The following NKAIN3 variants were observed in gnomAD, a reference collection of about 807,000 sequenced individuals.
NKAIN3 encodes the protein sodium/potassium transporting ATPase interacting 3, also known as sodium/potassium-transporting ATPase subunit beta-1-interacting protein 3.
Under a neutral mutation model 30.2 loss-of-function variants are expected in NKAIN3, and 25 were observed. That is an observed-to-expected ratio of 0.83 (90% CI 0.60 to 1.16). NKAIN3 has a LOEUF of 1.16. Among genes scored for constraint, NKAIN3 ranks in the 50% most tolerant of loss-of-function variants. The pLI, the probability that NKAIN3 is intolerant of heterozygous loss-of-function variation, is 0.00. For missense variants in NKAIN3, 225 were observed against 254.1 expected, an observed-to-expected ratio of 0.89 and a Z score of 0.78; for synonymous variants, 91 against 89.6, an observed-to-expected ratio of 1.02 and a Z score of -0.09.
intron 1 of NKAIN3, among the ~76,000 whole-genome samples, chr8:62,450,414 T>A (rs527773015): frequency 6.6e-6 from 1 of 152,082 alleles, no homozygotes; most frequent in Non-Finnish European, 1.5e-5. Flanking sequence ...CTGCTAAAAA[T>A]TCAACAGGTG....
intron 3 of NKAIN3, among the ~76,000 whole-genome samples, chr8:62,604,281 G>T (rs185820295): frequency 2.4e-4 from 37 of 152,272 alleles, no homozygotes; most frequent in African/African-American, 8.7e-4. Context: ...ACAAGAATGA[G>T]CTAGAATCGC....
At chr8:62,494,766 ACTT>A (rs1807181734) in intron 1 of NKAIN3, among the ~76,000 whole-genome samples, 1 of 152,024 alleles carries the variant, frequency 6.6e-6, no homozygotes, top group Non-Finnish European at 1.5e-5. Flanking sequence ...GAATTTATCC[ACTT>A]CTTCTTGGTT....
chr8:62,565,567 A>G (rs1365044198), intron 1 of NKAIN3, among the ~76,000 whole-genome samples: 1 of 152,142 alleles, frequency 6.6e-6, no homozygotes, highest in African/African-American at 2.4e-5. Flanking sequence ...TTTGAAACAA[A>G]ATGGTCTGGC....
At chr8:62,735,284 C>T (rs1221426786) in intron 3 of NKAIN3, among the ~76,000 whole-genome samples, 1 of 151,972 alleles carries the variant, frequency 6.6e-6, no homozygotes, top group African/African-American at 2.4e-5. Context: ...TTCTTGGATG[C>T]TTTGTTCCTT....
At chr8:62,583,686 C>G (rs930938876) in intron 2 of NKAIN3, among the ~76,000 whole-genome samples, 1 of 152,168 alleles carries the variant, frequency 6.6e-6, no homozygotes, top group African/African-American at 2.4e-5. Context: ...AGAGCATGAT[C>G]TGTGCTTTGC....
chr8:62,601,072 C>G (rs1810971257), intron 3 of NKAIN3, among the ~76,000 whole-genome samples: 1 of 152,026 alleles, frequency 6.6e-6, no homozygotes, highest in African/African-American at 2.4e-5. Flanking sequence ...ACAGAACTCT[C>G]AGTTTCCCTC....
intron 1 of NKAIN3, among the ~76,000 whole-genome samples, chr8:62,299,730 T>C (rs1465917341): frequency 1.3e-5 from 2 of 152,122 alleles, no homozygotes; most frequent in African/African-American, 4.8e-5. Context: ...GCAATGTTCA[T>C]ATATAGTCTA....
At chr8:62,867,342 T>A (rs927359968) in intron 4 of NKAIN3, among the ~76,000 whole-genome samples, 3 of 152,186 alleles carry the variant, frequency 2.0e-5, no homozygotes, top group Admixed American at 2.0e-4. Context: ...CATAAGACTG[T>A]TTTAAGGATT....
intron 4 of NKAIN3, among the ~76,000 whole-genome samples, chr8:62,803,810 T>A (rs1212213248): frequency 6.6e-6 from 1 of 152,098 alleles, no homozygotes; most frequent in Non-Finnish European, 1.5e-5. Context: ...CTTTAAAAAA[T>A]TAATGAATCC....
At chr8:62,985,110 C>A (rs1389909926), downstream of NKAIN3, among the ~76,000 whole-genome samples, 1 of 152,142 alleles carries the variant, frequency 6.6e-6, no homozygotes, top group Admixed American at 6.5e-5. Context: ...CCCTGGAGAG[C>A]GTTTAAATGT....
chr8:62,283,235 T>C (rs138628773), intron 1 of NKAIN3, among the ~76,000 whole-genome samples: 4 of 152,268 alleles, frequency 2.6e-5, no homozygotes, highest in Non-Finnish European at 5.9e-5. Flanking sequence ...AAAATGTCCT[T>C]AAGTTATCTT....
At position 62,972,051 on chromosome 8, in the gene NKAIN3, T is replaced by C. The variant is rs1823847255; in HGVS notation, c.*6644T>C. Among the ~76,000 whole-genome samples, 1 of 152,214 alleles carries C rather than the reference T, an allele frequency of 6.6e-6. No homozygotes were observed. Among genetic ancestry groups the C allele is most frequent in the South Asian group, 2.1e-4 (1 of 4,834 alleles). Reference sequence around the variant, plus strand: ...CTGCCACAATAAATTAATTCTTCTATGGTCATAACACTTGGCTATTTTATT... The same window carrying C: ...CTGCCACAATAAATTAATTCTTCTACGGTCATAACACTTGGCTATTTTATT... On this transcript the variant is annotated 3_prime_UTR_variant, in exon 7 of 7. Coordinates refer to ENST00000623646, the MANE Select transcript of NKAIN3 (RefSeq NM_001304533.3).
intron 4 of NKAIN3, among the ~76,000 whole-genome samples, chr8:62,762,145 G>A (rs1169518728): frequency 4.0e-5 from 6 of 151,896 alleles, no homozygotes; most frequent in Non-Finnish European, 2.9e-5. Context: ...GTGAAATCCC[G>A]TCTCTACTAA....
intron 4 of NKAIN3, among the ~76,000 whole-genome samples, chr8:62,901,276 G>A (rs1821606484): frequency 6.6e-6 from 1 of 152,114 alleles, no homozygotes; most frequent in Admixed American, 6.5e-5. Context: ...TACACAATGG[G>A]CTTCACTCAA....
chr8:62,795,807 C>A (rs1266436163), intron 4 of NKAIN3, among the ~76,000 whole-genome samples: 1 of 152,100 alleles, frequency 6.6e-6, no homozygotes, highest in African/African-American at 2.4e-5. Context: ...TGTATGAACT[C>A]ACTTTAACTG....
At chr8:62,499,717 C>T (rs1248590185) in intron 1 of NKAIN3, among the ~76,000 whole-genome samples, 3 of 152,014 alleles carry the variant, frequency 2.0e-5, no homozygotes, top group African/African-American at 2.4e-5. Flanking sequence ...ACAGTTTAGG[C>T]AGCATATATT....
chr8:62,407,401 GT>G (rs10660478), intron 1 of NKAIN3, among the ~76,000 whole-genome samples: 26 of 118,652 alleles, frequency 2.2e-4, no homozygotes, highest in African/African-American at 7.0e-4. Context: ...CTAGATAGTT[GT>G]TTTTTTTTTT....
intron 4 of NKAIN3, among the ~76,000 whole-genome samples, chr8:62,778,675 C>T (rs910412251): frequency 1.3e-5 from 2 of 152,014 alleles, no homozygotes; most frequent in African/African-American, 2.4e-5. Flanking sequence ...AATCAAAGAC[C>T]CCAAGTACCC....
At chr8:62,504,516 A>T (rs1222602850) in intron 1 of NKAIN3, among the ~76,000 whole-genome samples, 1 of 151,980 alleles carries the variant, frequency 6.6e-6, no homozygotes, top group Non-Finnish European at 1.5e-5. Context: ...TGTCATGTAG[A>T]TTCTGTTTCT....
Sources: gnomAD v4.1 joint callset for allele counts (sites outside exome capture counted in the v4.1 genomes callset) on GRCh38, gnomAD v4.1.1 for gene constraint, MANE v1.5 for transcripts, NCBI Gene and HGNC (gene_info 2026-07-23, HGNC 2026-07-21) for gene names.